The following AMPH variants were observed in gnomAD, a reference collection of about 807,000 sequenced individuals.
AMPH encodes amphiphysin (Stiff-Mann syndrome with breast cancer 128kD autoantigen).
A neutral mutation model predicts 99.1 loss-of-function variants in AMPH; 49 were observed. The ratio of observed to expected loss-of-function variants is 0.49; its 90% CI spans 0.39 to 0.63. The LOEUF (loss-of-function observed/expected upper bound fraction) is 0.63. AMPH is among the 20% of genes least tolerant of loss of function. The probability of loss-of-function intolerance (pLI) is 0.00; values close to 1 mark genes in which losing one functional copy is unlikely to be tolerated. For missense variants in AMPH, 759 were observed against 863.4 expected, an observed-to-expected ratio of 0.88 and a Z score of 1.52; for synonymous variants, 314 against 317.3, an observed-to-expected ratio of 0.99 and a Z score of 0.11.
In AMPH at chr7:38,556,243, C is replaced by T. The variant is rs1034018415; in HGVS notation, c.70-21232G>A. On this transcript the variant is annotated intron_variant, in intron 1 of 20. Coordinates refer to ENST00000356264, the MANE Select transcript of AMPH (RefSeq NM_001635.4). The stretch of plus-strand genomic sequence containing the variant: ...ATCCCAACCTTTAAAAAAATGTGAT[C>T]GAATTCCTGCTATCTTTTGGTTCCC... Among the ~76,000 whole-genome samples, 3 of 152,078 alleles carry T rather than the reference C, an allele frequency of 2.0e-5. No homozygotes were observed. The East Asian group carries it at 5.8e-4, about 29-fold the overall frequency.
At chr7:38,407,170 C>G (rs1362498768) in intron 17 of AMPH, among the ~76,000 whole-genome samples, 1 of 140,916 alleles carries the variant, frequency 7.1e-6, no homozygotes, top group Admixed American at 7.1e-5. Flanking sequence ...CTATATCTAT[C>G]TATCTAGCAT....
Position 38,582,987 on chromosome 7 carries a change from T to C in AMPH, c.70-47976A>G, listed in dbSNP as rs1340449707. Among the ~76,000 whole-genome samples, 3 of 152,310 alleles carry C rather than the reference T, an allele frequency of 2.0e-5. No homozygotes were observed. In the East Asian group the frequency reaches 5.8e-4, roughly 29 times the overall value. On this transcript the variant is annotated intron_variant, in intron 1 of 20. Coordinates refer to ENST00000356264, the MANE Select transcript of AMPH (RefSeq NM_001635.4). The stretch of plus-strand genomic sequence containing the variant: ...TAAGGGGAAATTTAGTTTAGAATGG[T>C]TCACCACACATAAGAGTCAACAATG...
At chr7:38,414,725 T>C (rs375904833) in intron 17 of AMPH, among the ~76,000 whole-genome samples, 25 of 152,098 alleles carry the variant, frequency 1.6e-4, no homozygotes, top group African/African-American at 5.8e-4. Flanking sequence ...AGTGCAATGG[T>C]TAAGATCTCA....
At position 38,602,735 on chromosome 7, in the gene AMPH, T is replaced by A. The variant is rs576963029; in HGVS notation, c.69+28548A>T. On this transcript the variant is annotated intron_variant, in intron 1 of 20. Transcript: ENST00000356264. ...ATCAGGATGTAGACATCTTTGAGAGTACATTATTCTGCCTACCACAGTTTT... is the reference window on the plus strand; with the variant it reads ...ATCAGGATGTAGACATCTTTGAGAGAACATTATTCTGCCTACCACAGTTTT... Among the ~76,000 whole-genome samples the A allele has an allele frequency of 2.6e-5, 4 of 152,228 alleles. 1 individual carries two copies. In the South Asian group the frequency reaches 8.3e-4, roughly 32 times the overall value.
At chr7:38,427,627 G>C (rs1785830049) in intron 14 of AMPH, among the ~76,000 whole-genome samples, 1 of 134,148 alleles carries the variant, frequency 7.5e-6, no homozygotes, top group Non-Finnish European at 1.5e-5. Context: ...GGTTCTTTTT[G>C]TTGTTGTTGT....
intron 11 of AMPH, among the ~76,000 whole-genome samples, chr7:38,447,917 T>C (rs1786854147): frequency 6.6e-6 from 1 of 152,226 alleles, no homozygotes; most frequent in African/African-American, 2.4e-5. Flanking sequence ...TGAAAACCTT[T>C]ACTATATCCT....
intron 16 of AMPH, among the ~76,000 whole-genome samples, chr7:38,419,090 G>T (rs1785496050): frequency 6.6e-6 from 1 of 151,892 alleles, no homozygotes; most frequent in Non-Finnish European, 1.5e-5. Context: ...ACTAAAAAAA[G>T]TTTAAAAGTG....
At chr7:38,406,748 CTCT>C (rs1785016495) in intron 17 of AMPH, among the ~76,000 whole-genome samples, 2 of 140,994 alleles carry the variant, frequency 1.4e-5, no homozygotes, top group African/African-American at 5.6e-5. Context: ...CTCTCTCTCT[CTCT>C]CTCTCTCTCT....
chr7:38,617,849 G>GAA (rs35883393), intron 1 of AMPH, among the ~76,000 whole-genome samples: 5,645 of 151,246 alleles, frequency 0.037, 168 homozygotes, highest in Admixed American at 0.081. Context: ...CTATGGAATG[G>GAA]AAAAAAAAAC....
chr7:38,623,706 T>C (rs892940755), intron 1 of AMPH, among the ~76,000 whole-genome samples: 2 of 152,236 alleles, frequency 1.3e-5, no homozygotes, highest in Non-Finnish European at 2.9e-5. Context: ...CAAATCTCCT[T>C]GACAGAGGAG....
chr7:38,476,154 AGGAGGGGAAAGGAGAC>A (rs1208357911), intron 6 of AMPH, among the ~76,000 whole-genome samples: 1 of 152,236 alleles, frequency 6.6e-6, no homozygotes, highest in East Asian at 1.9e-4. Context: ...GAAGAAGGCG[AGGAGGGGAAAGGAGAC>A]TTGAAAGTTG....
intron 1 of AMPH, among the ~76,000 whole-genome samples, chr7:38,562,298 A>G (rs1791582541): frequency 6.6e-6 from 1 of 152,242 alleles, no homozygotes; most frequent in African/African-American, 2.4e-5. Context: ...ATTGTCTGGC[A>G]GCACTAAGCA....
Position 38,461,431 on chromosome 7 carries a change from A to G in AMPH, c.889-20T>C, listed in dbSNP as rs1584121775. ...CCTTGTCTAGGAAGCATTAAATACA[A>G]ACATTAATCCAGCCAAAGACAATGT... On this transcript the variant is annotated intron_variant, in intron 10 of 20. Transcript: ENST00000356264. 4.3e-6 allele frequency: 7 copies of G among 1,613,734 alleles called. No homozygotes were observed. The Admixed American group carries it at 1.2e-4, about 27-fold the overall frequency.
intron 1 of AMPH, among the ~76,000 whole-genome samples, chr7:38,608,986 T>C (rs1793531464): frequency 6.6e-6 from 1 of 152,196 alleles, no homozygotes; most frequent in South Asian, 2.1e-4. Context: ...TAAATCATCA[T>C]GAGGCAAAGA....
At chr7:38,501,365 A>G (rs1789129158) in intron 3 of AMPH, among the ~76,000 whole-genome samples, 1 of 151,812 alleles carries the variant, frequency 6.6e-6, no homozygotes, top group South Asian at 2.1e-4. Context: ...TAATTTTTGT[A>G]TTTTCAGTAG....
At chr7:38,505,847 A>G (rs1789304162) in intron 2 of AMPH, among the ~76,000 whole-genome samples, 1 of 152,052 alleles carries the variant, frequency 6.6e-6, no homozygotes, top group South Asian at 2.1e-4. Context: ...TCACATTCTG[A>G]GTACATAAAT....
intron 1 of AMPH, among the ~76,000 whole-genome samples, chr7:38,536,222 T>C (rs1213787098): frequency 6.6e-6 from 1 of 152,102 alleles, no homozygotes; most frequent in African/African-American, 2.4e-5. Context: ...AGTAACAAAT[T>C]GTACTTGCTG....
chr7:38,616,665 G>T (rs1001473758), intron 1 of AMPH, among the ~76,000 whole-genome samples: 17 of 152,186 alleles, frequency 1.1e-4, no homozygotes, highest in African/African-American at 3.1e-4. Context: ...AATAAAAAAA[G>T]AAGGAACTGC....
chr7:38,393,643 T>C (rs983615897), intron 18 of AMPH, among the ~76,000 whole-genome samples: 8 of 125,110 alleles, frequency 6.4e-5, no homozygotes, highest in Non-Finnish European at 9.0e-5. Flanking sequence ...TAAATACTAT[T>C]GAGTTCTCCC....
Sources: gnomAD v4.1 joint callset for allele counts (sites outside exome capture counted in the v4.1 genomes callset) on GRCh38, gnomAD v4.1.1 for gene constraint, MANE v1.5 for transcripts, NCBI Gene and HGNC (gene_info 2026-07-23, HGNC 2026-07-21) for gene names.